The following GNAT3 variants were observed in gnomAD, a reference collection of about 807,000 sequenced individuals.
GNAT3 encodes guanine nucleotide-binding protein G(t) subunit alpha-3.
GNAT3 carries 31 observed loss-of-function variants against 37.7 expected under a neutral mutation model. The observed-to-expected ratio is 0.82, with a 90% CI of 0.62 to 1.11. GNAT3 has a LOEUF of 1.11. GNAT3 is among the 50% of genes most tolerant of loss of function. The pLI, the probability that GNAT3 is intolerant of heterozygous loss-of-function variation, is 0.00. For synonymous variants in GNAT3, 138 were observed against 139.8 expected (o/e 0.99, Z 0.09); for missense variants, 437 against 412.5 (o/e 1.06, Z -0.51).
intron 2 of GNAT3, among the ~76,000 whole-genome samples, chr7:80,494,154 A>G (rs952319866): frequency 6.6e-6 from 1 of 152,206 alleles, no homozygotes; most frequent in Non-Finnish European, 1.5e-5. Flanking sequence ...TATAAAAAGG[A>G]AAAAGTAGAG....
chr7:80,497,839 G>A (rs558286823), intron 1 of GNAT3, among the ~76,000 whole-genome samples: 1 of 151,874 alleles, frequency 6.6e-6, no homozygotes, highest in Non-Finnish European at 1.5e-5. Context: ...TCTCATTTCT[G>A]AATGTCAGTT....
intron 2 of GNAT3, among the ~76,000 whole-genome samples, chr7:80,491,964 A>G (rs530648033): frequency 3.3e-5 from 5 of 152,308 alleles, no homozygotes; most frequent in African/African-American, 1.2e-4. Context: ...CACTATTGAG[A>G]GAAAATTTAT....
chr7:80,511,414 T>C (rs1352332826), intron 1 of GNAT3, among the ~76,000 whole-genome samples: 1 of 152,164 alleles, frequency 6.6e-6, no homozygotes, highest in African/African-American at 2.4e-5. Flanking sequence ...CAATTCAACC[T>C]ATTTCTGTTT....
Position 80,511,919 on chromosome 7 carries a change from C to T in GNAT3, c.8G>A (p.Ser3Asn), listed in dbSNP as rs751586531. ...CTCCTTGCTCTCTGAACTAATTCCACTTCCCATCTTGTGGTGGTAGATACT... is the reference window on the plus strand; with the variant it reads ...CTCCTTGCTCTCTGAACTAATTCCATTTCCCATCTTGTGGTGGTAGATACT... MG[S>N]GISSESKESA... The change falls in exon 1 of 8, where the codon AGT becomes AAT. Residue 3 changes from serine (S) to asparagine (N), a missense_variant. Physicochemically the swap from Ser to Asn is conservative, Grantham distance 46 (BLOSUM62 1). Coordinates refer to ENST00000398291, the MANE Select transcript of GNAT3 (RefSeq NM_001102386.3). 2.5e-6 allele frequency: 4 copies of T among 1,605,452 alleles called. 1 individual carries two copies. The South Asian group carries it at 3.3e-5, about 13-fold the overall frequency.
intron 3 of GNAT3, among the ~76,000 whole-genome samples, chr7:80,479,513 AG>A (rs1188864633): frequency 1.6e-4 from 25 of 151,986 alleles, no homozygotes; most frequent in Non-Finnish European, 3.5e-4. Context: ...TGAGCCCAGG[AG>A]TCTGAGACCA....
At chr7:80,465,935 A>C (rs560921989) in intron 5 of GNAT3, among the ~76,000 whole-genome samples, 13 of 152,142 alleles carry the variant, frequency 8.5e-5, no homozygotes, top group Non-Finnish European at 1.9e-4. Context: ...TAACTTATGG[A>C]TTTGGGGGAC....
intron 1 of GNAT3, among the ~76,000 whole-genome samples, chr7:80,500,781 A>T (rs1790817530): frequency 6.6e-6 from 1 of 152,028 alleles, no homozygotes; most frequent in African/African-American, 2.4e-5. Flanking sequence ...ACCTCCTGAC[A>T]TTCTTTTGAT....
Position 80,458,639 on chromosome 7 carries a change from A to T in GNAT3, c.*32T>A. The stretch of plus-strand genomic sequence containing the variant: ...TTTTCTTTTATATTTTGAAAAGCAT[A>T]CATGAGCAAGAGTGGAAGAGAAAAT... On this transcript the variant is annotated 3_prime_UTR_variant, in exon 8 of 8. Transcript: ENST00000398291. 7.8e-7 allele frequency: 1 copy of T among 1,289,050 alleles called. No homozygotes were observed. The highest frequency in any genetic ancestry group is 1.1e-6 in the Non-Finnish European group (1 of 939,866). The allele number at this position is 1,289,050 out of a possible 1,614,324, so 79.9% of individuals were successfully genotyped here.
rs145931213 is a variant in GNAT3 at position 80,494,862 on chromosome 7, T to C, written c.119-215A>G. ...TGTGCATTGTACCCAACAGGTAATTTTTTTCATTCCTCACCTCCCTCTCAT... is the reference window on the plus strand; with the variant it reads ...TGTGCATTGTACCCAACAGGTAATTCTTTTCATTCCTCACCTCCCTCTCAT... On this transcript the variant is annotated intron_variant, in intron 1 of 7. Transcript: ENST00000398291. Among the ~76,000 whole-genome samples the C allele has an allele frequency of 7.2e-4, 109 of 152,262 alleles. 1 individual carries two copies. The East Asian group carries it at 0.014, about 19-fold the overall frequency.
At chr7:80,465,710 C>T (rs914310412) in intron 5 of GNAT3, among the ~76,000 whole-genome samples, 2 of 152,202 alleles carry the variant, frequency 1.3e-5, no homozygotes, top group Admixed American at 1.3e-4. Flanking sequence ...TATCCTTCTC[C>T]CAGGCCAGGC....
intron 3 of GNAT3, among the ~76,000 whole-genome samples, chr7:80,485,134 G>T (rs184585806): frequency 9.2e-4 from 138 of 149,368 alleles, no homozygotes; most frequent in Admixed American, 1.6e-3. Flanking sequence ...TCCCTTGAAG[G>T]TTCTTTTCCT....
intron 2 of GNAT3, among the ~76,000 whole-genome samples, chr7:80,493,566 G>A (rs1233619319): frequency 6.6e-6 from 1 of 151,726 alleles, no homozygotes; most frequent in African/African-American, 2.4e-5. Context: ...TTAAAAATAT[G>A]CTCAAAAATG....
rs762477310 is a variant in GNAT3 at position 80,488,508 on chromosome 7, T to C, written c.303+27A>G. The C allele has an allele frequency of 1.9e-6, 3 of 1,583,132 alleles. No individual in the cohort carries two copies. The Admixed American group carries it at 5.2e-5, about 27-fold the overall frequency. On this transcript the variant is annotated intron_variant, in intron 3 of 7. Coordinates refer to ENST00000398291, the MANE Select transcript of GNAT3 (RefSeq NM_001102386.3). ...ATGGCTCAAACTCTATTGCAGGACATACAGCTGTCATTATTTGCATACTTA... is the reference window on the plus strand; with the variant it reads ...ATGGCTCAAACTCTATTGCAGGACACACAGCTGTCATTATTTGCATACTTA...
chr7:80,495,502 ACT>A (rs1396980848), intron 1 of GNAT3, among the ~76,000 whole-genome samples: 3 of 149,852 alleles, frequency 2.0e-5, no homozygotes, highest in Admixed American at 1.3e-4. Flanking sequence ...ATCGAGTCCC[ACT>A]CTGTCACCAG....
intron 3 of GNAT3, among the ~76,000 whole-genome samples, chr7:80,485,406 C>A (rs533270599): frequency 9.9e-5 from 15 of 152,136 alleles, no homozygotes; most frequent in Non-Finnish European, 1.9e-4. Flanking sequence ...AACTTACAAA[C>A]TCATTCCAAA....
intron 1 of GNAT3, among the ~76,000 whole-genome samples, chr7:80,506,019 A>G (rs768603907): frequency 3.7e-4 from 57 of 152,222 alleles, no homozygotes; most frequent in Non-Finnish European, 5.4e-4. Flanking sequence ...TTTATTTTAT[A>G]TAAAACAGAT....
intron 5 of GNAT3, among the ~76,000 whole-genome samples, chr7:80,466,502 A>T (rs1222777518): frequency 6.6e-6 from 1 of 152,042 alleles, no homozygotes; most frequent in East Asian, 1.9e-4. Flanking sequence ...TACCTCAGAG[A>T]AAAATCATCT....
Position 80,488,532 on chromosome 7 carries a change from TACTG to T in GNAT3, c.302_303+2del, listed in dbSNP as rs1483436071. On this transcript the variant is annotated splice_donor_variant and coding_sequence_variant, in exon 3 of 8. Transcript: ENST00000398291. LOFTEE classifies it high-confidence loss of function. ...ATACAGCTGTCATTATTTGCATACT[TACTG>T]CACTTCTGGGATTTACATAATCAAT... The T allele has an allele frequency of 6.3e-7, 1 of 1,599,012 alleles. No homozygotes were observed. The highest frequency in any genetic ancestry group is 8.5e-7 in the Non-Finnish European group (1 of 1,171,196).
intron 3 of GNAT3, among the ~76,000 whole-genome samples, chr7:80,481,918 GA>G (rs1278670478): frequency 3.3e-5 from 5 of 152,150 alleles, no homozygotes. Context: ...GAAAATGTTT[GA>G]ATCCACCTAT....
Sources: allele counts gnomAD v4.1 joint callset (sites outside exome capture counted in the v4.1 genomes callset), GRCh38; gene constraint gnomAD v4.1.1; transcripts MANE v1.5; gene names NCBI Gene and HGNC (gene_info 2026-07-23, HGNC 2026-07-21).